The following ARID1B variants were observed in gnomAD, a reference collection of about 807,000 sequenced individuals.
The protein encoded by ARID1B is AT-rich interactive domain-containing protein 1B.
ARID1B carries 30 observed loss-of-function variants against 212.3 expected under a neutral mutation model. The ratio of observed to expected loss-of-function variants is 0.14; its 90% confidence interval spans 0.11 to 0.19. The LOEUF is 0.19. ARID1B is among the 10% of genes least tolerant of loss of function. The pLI is 1.00. For synonymous variants in ARID1B, 1,402 were observed against 1,301.7 expected, an observed-to-expected ratio of 1.08 and a Z score of -1.66; for missense variants, 2,891 against 3,204.0, an observed-to-expected ratio of 0.90 and a Z score of 2.36.
rs1484542786 is a variant in ARID1B, at chr6:156,885,121, G to GGTAATATAGC, written c.1987-16255_1987-16254insGTAATATAGC. Among the ~76,000 whole-genome samples, 72 of 152,234 alleles carry GGTAATATAGC rather than the reference G, an allele frequency of 4.7e-4. No individual in the cohort carries two copies. The Middle Eastern group carries it at 0.017, about 36-fold the overall frequency. ...CTAATGGTAATATAGCTAAAATAAA[G>GGTAATATAGC]TAAAATTGGAATATGATCTAATTTC... On this transcript the variant is annotated intron_variant, in intron 2 of 19. Transcript: ENST00000636930.
intron 6 of ARID1B, among the ~76,000 whole-genome samples, chr6:157,113,119 C>G (rs1207238097): frequency 1.3e-5 from 2 of 152,080 alleles, no homozygotes; most frequent in Non-Finnish European, 2.9e-5. Flanking sequence ...TGAGATTTCT[C>G]CATGTTGGTC....
intron 4 of ARID1B, among the ~76,000 whole-genome samples, chr6:157,019,712 T>G (rs2128470264): frequency 6.6e-6 from 1 of 152,316 alleles, no homozygotes; most frequent in South Asian, 2.1e-4. Flanking sequence ...AACTCAGTCA[T>G]CCACGCTCAC....
chr6:156,813,097 C>T (rs287894), intron 1 of ARID1B, among the ~76,000 whole-genome samples: 2,382 of 83,252 alleles, frequency 0.029, 67 homozygotes, highest in African/African-American at 0.071. Context: ...TATATACATA[C>T]ATATATATAT....
intron 8 of ARID1B, among the ~76,000 whole-genome samples, chr6:157,155,340 G>A (rs560824727): frequency 2.0e-4 from 30 of 152,142 alleles, no homozygotes; most frequent in Non-Finnish European, 4.0e-4. Flanking sequence ...GAGTGGGAAG[G>A]TAGTGATATT....
intron 3 of ARID1B, among the ~76,000 whole-genome samples, chr6:156,902,743 A>C (rs1023209266): frequency 1.0e-5 from 1 of 98,706 alleles, no homozygotes; most frequent in Admixed American, 8.7e-5. Flanking sequence ...CTCAAAAAAA[A>C]AAAAAAAAAA....
chr6:156,966,406 T>A lies in ARID1B; in HGVS notation c.2247+30830T>A, dbSNP rs1583043561. Among the ~76,000 whole-genome samples, 3 of 147,358 alleles carry A rather than the reference T, an allele frequency of 2.0e-5. No homozygotes were observed. The East Asian group carries it at 5.8e-4, about 28-fold the overall frequency. On this transcript the variant is annotated intron_variant, in intron 4 of 19. Coordinates refer to ENST00000636930, the MANE Select transcript of ARID1B (RefSeq NM_001374828.1). ...CTTTTCTTTTTTTTTTTTTTTTTTTTTTTTGAGACAGAGGTTTACCCTTGT... is the reference window on the plus strand; with the variant it reads ...CTTTTCTTTTTTTTTTTTTTTTTTTATTTTGAGACAGAGGTTTACCCTTGT...
chr6:157,138,682 AT>A (rs1303003455), intron 7 of ARID1B, among the ~76,000 whole-genome samples: 1 of 152,142 alleles, frequency 6.6e-6, no homozygotes, highest in Non-Finnish European at 1.5e-5. Context: ...CAAAGACTAG[AT>A]TCTGTGCAGG....
intron 3 of ARID1B, among the ~76,000 whole-genome samples, chr6:156,922,075 G>C (rs1229232118): frequency 2.6e-5 from 4 of 151,980 alleles, no homozygotes; most frequent in Admixed American, 6.6e-5. Context: ...CAGGAGCTCT[G>C]TCTCAGCAGG....
At chr6:157,133,442 C>T (rs746614879) in intron 7 of ARID1B, among the ~76,000 whole-genome samples, 2 of 152,308 alleles carry the variant, frequency 1.3e-5, no homozygotes, top group Non-Finnish European at 1.5e-5. Context: ...GGTAGGTGCT[C>T]ATCATCCTTG....
intron 4 of ARID1B, among the ~76,000 whole-genome samples, chr6:157,045,401 A>T (rs887375239): frequency 3.9e-5 from 6 of 152,154 alleles, no homozygotes; most frequent in African/African-American, 1.4e-4. Context: ...AACATTTACC[A>T]TATATATTTT....
rs573583274 is a variant in ARID1B, at chr6:157,104,114, C to T, written c.2492-6358C>T. ...CCTCCCAAAGTGCTGGGATTATAGG[C>T]GTAAGCCACCACGCCCGGCCTAACA... is the stretch of plus-strand genomic sequence containing the variant. On this transcript the variant is annotated intron_variant, in intron 5 of 19. Transcript: ENST00000636930. 1.3e-4 allele frequency among the ~76,000 whole-genome samples: 20 copies of T among 152,266 alleles called. No homozygotes were observed. In the South Asian group the frequency reaches 3.3e-3, roughly 25 times the overall value.
chr6:156,912,050 G>T (rs1789932430), intron 3 of ARID1B, among the ~76,000 whole-genome samples: 1 of 152,134 alleles, frequency 6.6e-6, no homozygotes, highest in South Asian at 2.1e-4. Flanking sequence ...TGCTTTATTT[G>T]TATTTTCTAA....
intron 7 of ARID1B, among the ~76,000 whole-genome samples, chr6:157,140,360 C>G (rs1236056308): frequency 6.6e-6 from 1 of 152,070 alleles, no homozygotes; most frequent in African/African-American, 2.4e-5. Context: ...ATCCCAGCTA[C>G]TCAGGAGGCT....
intron 3 of ARID1B, among the ~76,000 whole-genome samples, chr6:156,908,802 CAGA>C (rs1245312766): frequency 1.3e-5 from 2 of 151,914 alleles, no homozygotes; most frequent in African/African-American, 4.8e-5. Flanking sequence ...TCTGTTTCCT[CAGA>C]AGGATTGATT....
intron 2 of ARID1B, among the ~76,000 whole-genome samples, chr6:156,832,011 T>C (rs1783175967): frequency 6.6e-6 from 1 of 152,258 alleles, no homozygotes; most frequent in African/African-American, 2.4e-5. Flanking sequence ...TGAAATATAG[T>C]ATCTTGTTTT....
chr6:156,863,395 A>G (rs532784423), intron 2 of ARID1B, among the ~76,000 whole-genome samples: 74 of 152,244 alleles, frequency 4.9e-4, no homozygotes, highest in African/African-American at 1.7e-3. Flanking sequence ...CTGGATTCTC[A>G]AGGTTGGATG....
chr6:156,919,186 A>G (rs1366175134), intron 3 of ARID1B, among the ~76,000 whole-genome samples: 1 of 152,264 alleles, frequency 6.6e-6, no homozygotes, highest in Non-Finnish European at 1.5e-5. Flanking sequence ...CTTTTCCTTA[A>G]TAGTAGCAGA....
chr6:157,009,978 C>G (rs1779471467), intron 4 of ARID1B, among the ~76,000 whole-genome samples: 1 of 152,218 alleles, frequency 6.6e-6, no homozygotes, highest in African/African-American at 2.4e-5. Context: ...AAGTTCTGCT[C>G]TTTATGAAGC....
At chr6:156,880,536 CG>C (rs1786964366) in intron 2 of ARID1B, among the ~76,000 whole-genome samples, 1 of 151,870 alleles carries the variant, frequency 6.6e-6, no homozygotes, top group Non-Finnish European at 1.5e-5. Flanking sequence ...TCAAGGAGTT[CG>C]AGAACAGCCT....
Sources: allele counts gnomAD v4.1 joint callset (sites outside exome capture counted in the v4.1 genomes callset), GRCh38; gene constraint gnomAD v4.1.1; transcripts MANE v1.5; gene names NCBI Gene and HGNC (gene_info 2026-07-23, HGNC 2026-07-21).